Variants in JMJD1C observed in about 807,000 individuals in gnomAD.
The protein encoded by JMJD1C is jumonji domain-containing protein 1C.
JMJD1C carries 31 observed loss-of-function variants against 245.3 expected under a neutral mutation model. That is an observed-to-expected ratio of 0.13 (90% CI 0.09 to 0.17). The LOEUF (loss-of-function observed/expected upper bound fraction) is 0.17, where lower values mean the gene tolerates loss of function less well. Ranked by LOEUF, JMJD1C falls within the 10% of genes least tolerant of loss-of-function variation. The pLI, the probability that JMJD1C is intolerant of heterozygous loss-of-function variation, is 1.00. For synonymous variants in JMJD1C, 1,057 were observed against 1,017.4 expected, an observed-to-expected ratio of 1.04 and a Z score of -0.74; for missense variants, 2,691 against 3,000.2, an observed-to-expected ratio of 0.90 and a Z score of 2.41.
intron 2 of JMJD1C, among the ~76,000 whole-genome samples, chr10:63,360,274 T>A (rs1172260318): frequency 6.6e-6 from 1 of 152,150 alleles, no homozygotes; most frequent in African/African-American, 2.4e-5. Context: ...GGTAGAAGCA[T>A]CACTTGAGCC....
intron 1 of JMJD1C, among the ~76,000 whole-genome samples, chr10:63,515,479 T>A (rs1035204733): frequency 3.3e-5 from 5 of 152,204 alleles, no homozygotes; most frequent in Admixed American, 6.5e-5. Flanking sequence ...CTGGAGCTTT[T>A]AGGTCTCAGA....
chr10:63,247,818 T>C (rs1443771763), intron 3 of JMJD1C, among the ~76,000 whole-genome samples: 3 of 145,972 alleles, frequency 2.1e-5, no homozygotes, highest in African/African-American at 7.4e-5. Flanking sequence ...CTGAATTCTA[T>C]ATGAATCATA....
chr10:63,392,879 C>A lies in JMJD1C; in HGVS notation c.169-12397G>T, dbSNP rs9415702. Among the ~76,000 whole-genome samples, 127 of 116,104 alleles carry A rather than the reference C, an allele frequency of 1.1e-3. 1 individual carries two copies. Among genetic ancestry groups the A allele is most frequent in the Middle Eastern group, 0.011 (2 of 184 alleles). The allele number at this position is 116,104 out of a possible 152,430, so 76.2% of individuals were successfully genotyped here. On this transcript the variant is annotated intron_variant, in intron 1 of 25. Coordinates refer to ENST00000399262, the MANE Select transcript of JMJD1C (RefSeq NM_032776.3). ...AAAAAAGTACATAAACACACACACA[C>A]ACACACACACACACACACACACACA...
At chr10:63,202,955 G>C in intron 10 of JMJD1C, 1 of 983,654 alleles carries the variant, frequency 1.0e-6, no homozygotes. Context: ...TTTAATTCCA[G>C]ATAATGGAAC....
intron 12 of JMJD1C, 116 bp downstream of exon 12, chr10:63,198,394 CATT>C (rs1564590296): frequency 4.5e-6 from 3 of 667,158 alleles, no homozygotes; most frequent in South Asian, 2.0e-5. Flanking sequence ...AAAAAGGTAT[CATT>C]ATCATAATTA....
chr10:63,257,570 A>G (rs1854138436), intron 3 of JMJD1C, among the ~76,000 whole-genome samples: 1 of 152,240 alleles, frequency 6.6e-6, no homozygotes, highest in African/African-American at 2.4e-5. Flanking sequence ...CCTTAGTATT[A>G]TAGCTACAAA....
At chr10:63,225,340 G>A (rs1849132774) in intron 3 of JMJD1C, among the ~76,000 whole-genome samples, 1 of 152,118 alleles carries the variant, frequency 6.6e-6, no homozygotes, top group Non-Finnish European at 1.5e-5. Flanking sequence ...TATTAGAAAT[G>A]TATACAGAAC....
At chr10:63,503,907 T>C (rs1954638415) in intron 1 of JMJD1C, among the ~76,000 whole-genome samples, 1 of 152,210 alleles carries the variant, frequency 6.6e-6, no homozygotes, top group Non-Finnish European at 1.5e-5. Flanking sequence ...ATCATTTTGA[T>C]AGATTAAGCA....
chr10:63,263,561 A>T (rs1286780262), intron 3 of JMJD1C, among the ~76,000 whole-genome samples: 1 of 152,196 alleles, frequency 6.6e-6, no homozygotes. Flanking sequence ...CTTTCCATGC[A>T]ATTACTGTAT....
chr10:63,427,630 T>A, intron 1 of JMJD1C: 1 of 1,361,354 alleles, frequency 7.3e-7, no homozygotes, highest in Non-Finnish European at 1.0e-6. Flanking sequence ...GGAGAAACAG[T>A]GTGTTTACTG....
In JMJD1C at chr10:63,208,765, C is replaced by T; in HGVS notation, c.2904G>A (p.Arg968=). Residue 968 remains arginine, a synonymous_variant, in exon 10 of 26, where the codon CGG becomes CGA. Transcript: ENST00000399262. ...LERKAFMEPL[R]SVASTSAKND... is the part of the protein sequence containing the mutation. ...TTTTGGCTGATGTGGATGCAACAGACCGTAATGGTTCCATAAAAGCTTTTC... is the reference window on the plus strand; with the variant it reads ...TTTTGGCTGATGTGGATGCAACAGATCGTAATGGTTCCATAAAAGCTTTTC... 6.2e-7 allele frequency: 1 copy of T among 1,600,376 alleles called. No individual in the cohort carries two copies.
chr10:63,412,924 TCAAA>T (rs1949572099), intron 1 of JMJD1C, among the ~76,000 whole-genome samples: 1 of 152,158 alleles, frequency 6.6e-6, no homozygotes, highest in Non-Finnish European at 1.5e-5. Context: ...CTCTCAAAGT[TCAAA>T]CCCACATTGT....
intron 22 of JMJD1C, among the ~76,000 whole-genome samples, chr10:63,181,744 T>C (rs997707158): frequency 6.6e-6 from 1 of 152,122 alleles, no homozygotes; most frequent in African/African-American, 2.4e-5. Flanking sequence ...AGGACATGAA[T>C]GAATAGTAAT....
Position 63,214,074 on chromosome 10 carries a change from G to A in JMJD1C, c.2093C>T (p.Thr698Ile). 6.2e-7 allele frequency: 1 copy of A among 1,614,090 alleles called. No homozygotes were observed. The highest frequency in any genetic ancestry group is 1.1e-5 in the South Asian group (1 of 91,082). ...ATCAATGATAAGAGGACTCTTTGTAGTTTCTAATGTACTGCTTCGAGTAGG... is the reference window on the plus strand; with the variant it reads ...ATCAATGATAAGAGGACTCTTTGTAATTTCTAATGTACTGCTTCGAGTAGG... The part of the protein sequence containing the change: ...PIPTRSSTLE[T>I]TKSPLIIDKN... The change falls in exon 8 of 26, where the codon ACT becomes ATT. Residue 698 changes from threonine to isoleucine, a missense_variant. Coordinates refer to ENST00000399262, the MANE Select transcript of JMJD1C (RefSeq NM_032776.3).
intron 2 of JMJD1C, among the ~76,000 whole-genome samples, chr10:63,353,940 A>C (rs1333990585): frequency 6.6e-6 from 1 of 152,078 alleles, no homozygotes; most frequent in Admixed American, 6.6e-5. Flanking sequence ...TCCCAGGTTC[A>C]AGCAATTCTT....
intron 2 of JMJD1C, among the ~76,000 whole-genome samples, chr10:63,306,120 T>TG (rs369385999): frequency 5.3e-4 from 81 of 152,242 alleles, no homozygotes; most frequent in African/African-American, 1.9e-3. Context: ...GAGTGAGTCT[T>TG]GCTCTGTTGC....
chr10:63,397,299 C>T (rs1476855337), intron 1 of JMJD1C, among the ~76,000 whole-genome samples: 3 of 151,372 alleles, frequency 2.0e-5, no homozygotes, highest in Non-Finnish European at 2.9e-5. Flanking sequence ...CTACAACCTC[C>T]GCCTCCCAGG....
chr10:63,309,193 C>G (rs1376560747), intron 2 of JMJD1C, among the ~76,000 whole-genome samples: 1 of 152,028 alleles, frequency 6.6e-6, no homozygotes, highest in Non-Finnish European at 1.5e-5. Flanking sequence ...AATATTAACA[C>G]AGTATAAGGA....
At chr10:63,427,265 C>T (rs1950497274) in intron 1 of JMJD1C, 2 of 203,254 alleles carry the variant, frequency 9.8e-6, no homozygotes, top group Non-Finnish European at 1.0e-5. Context: ...CACCTGGTCC[C>T]AGGAACTCTG....
Sources: allele counts gnomAD v4.1 joint callset (sites outside exome capture counted in the v4.1 genomes callset), GRCh38; gene constraint gnomAD v4.1.1; transcripts MANE v1.5; gene names NCBI Gene and HGNC (gene_info 2026-07-23, HGNC 2026-07-21).